ZDHHC14: variants seen among roughly 807,000 people sequenced by gnomAD.
ZDHHC14 encodes the protein palmitoyltransferase ZDHHC14.
A neutral mutation model predicts 47.7 loss-of-function variants in ZDHHC14; 16 were observed. That is an observed-to-expected ratio of 0.34 (90% confidence interval 0.23 to 0.51). The LOEUF is 0.51. ZDHHC14 is among the 20% of genes least tolerant of loss of function. The pLI is 0.97. For synonymous variants in ZDHHC14, 293 were observed against 278.9 expected, an observed-to-expected ratio of 1.05 and a Z score of -0.50; for missense variants, 515 against 662.5, an observed-to-expected ratio of 0.78 and a Z score of 2.44.
chr6:157,493,340 C>T (rs1035781086), intron 1 of ZDHHC14, among the ~76,000 whole-genome samples: 1 of 152,206 alleles, frequency 6.6e-6, no homozygotes, highest in East Asian at 1.9e-4. Flanking sequence ...GCGGGACGGT[C>T]TGAGGGCTGG....
chr6:157,451,235 A>G (rs1420445014), intron 1 of ZDHHC14, among the ~76,000 whole-genome samples: 2 of 152,238 alleles, frequency 1.3e-5, no homozygotes, highest in East Asian at 3.8e-4. Flanking sequence ...GCACAAATCA[A>G]TATCAGAAAT....
chr6:157,478,090 G>A (rs546104395), intron 1 of ZDHHC14, among the ~76,000 whole-genome samples: 39 of 152,198 alleles, frequency 2.6e-4, no homozygotes, highest in Non-Finnish European at 4.7e-4. Context: ...AGGTAATTAG[G>A]TTCAGTGCCA....
chr6:157,504,269 G>A (rs531630190), intron 1 of ZDHHC14, among the ~76,000 whole-genome samples: 15 of 151,684 alleles, frequency 9.9e-5, no homozygotes, highest in Non-Finnish European at 1.6e-4. Flanking sequence ...GTGCAGTGGC[G>A]CGATCTCAGC....
chr6:157,391,705 C>T (rs1777422348), intron 1 of ZDHHC14, among the ~76,000 whole-genome samples: 1 of 152,196 alleles, frequency 6.6e-6, no homozygotes, highest in South Asian at 2.1e-4. Context: ...CGGCTATTGG[C>T]CTTTTTTCTC....
intron 1 of ZDHHC14, among the ~76,000 whole-genome samples, chr6:157,522,052 C>T (rs1015662281): frequency 3.3e-5 from 5 of 151,812 alleles, no homozygotes. Flanking sequence ...GCTGGTTATA[C>T]AGACACCCAA....
chr6:157,652,741 G>A (rs779695585), intron 7 of ZDHHC14, among the ~76,000 whole-genome samples: 1 of 152,210 alleles, frequency 6.6e-6, no homozygotes, highest in African/African-American at 2.4e-5. Flanking sequence ...GAGACGGCCT[G>A]CCGGTCCTTG....
chr6:157,500,436 C>T (rs1780167846), intron 1 of ZDHHC14, among the ~76,000 whole-genome samples: 1 of 152,050 alleles, frequency 6.6e-6, no homozygotes, highest in Non-Finnish European at 1.5e-5. Context: ...ACTCTAGCTG[C>T]TGTGTAGAGA....
intron 2 of ZDHHC14, among the ~76,000 whole-genome samples, chr6:157,557,062 G>A (rs1308118592): frequency 2.0e-5 from 3 of 152,210 alleles, no homozygotes; most frequent in African/African-American, 4.8e-5. Context: ...ATGCCACTCC[G>A]GGCTGTGTCC....
At chr6:157,627,407 C>T (rs1785481240) in intron 3 of ZDHHC14, among the ~76,000 whole-genome samples, 1 of 152,186 alleles carries the variant, frequency 6.6e-6, no homozygotes, top group Non-Finnish European at 1.5e-5. Context: ...CACAGGCAGT[C>T]TTGTATGAGC....
At chr6:157,639,295 A>G (rs1371715762) in intron 5 of ZDHHC14, among the ~76,000 whole-genome samples, 3 of 152,082 alleles carry the variant, frequency 2.0e-5, no homozygotes, top group African/African-American at 4.8e-5. Flanking sequence ...TGTTTTAAAG[A>G]ACATTTTTTT....
chr6:157,413,647 G>A (rs916837400), intron 1 of ZDHHC14, among the ~76,000 whole-genome samples: 1 of 150,646 alleles, frequency 6.6e-6, no homozygotes, highest in East Asian at 1.9e-4. Context: ...GAGACTTAGT[G>A]GGCTGGATGT....
chr6:157,632,514 A>G (rs1418101841), intron 4 of ZDHHC14: 3 of 335,086 alleles, frequency 9.0e-6, no homozygotes, highest in Non-Finnish European at 1.7e-5. Flanking sequence ...GATAGCATAC[A>G]GTATTCTGTT....
At chr6:157,567,608 G>A (rs1035446425) in intron 2 of ZDHHC14, among the ~76,000 whole-genome samples, 1 of 152,150 alleles carries the variant, frequency 6.6e-6, no homozygotes, top group Admixed American at 6.5e-5. Flanking sequence ...CCTGAGGTCA[G>A]GAGTTTGAGA....
At chr6:157,628,723 C>G (rs1467561993) in intron 4 of ZDHHC14, 7 of 509,864 alleles carry the variant, frequency 1.4e-5, no homozygotes, top group East Asian at 3.6e-5. Context: ...TTCCAGGGGT[C>G]GCACCTAGGC....
intron 1 of ZDHHC14, among the ~76,000 whole-genome samples, chr6:157,506,166 C>T (rs1300771497): frequency 6.6e-6 from 1 of 152,228 alleles, no homozygotes; most frequent in African/African-American, 2.4e-5. Flanking sequence ...ATTTGTGTGA[C>T]TCAGCACAAT....
chr6:157,607,075 A>G (rs953066526), intron 3 of ZDHHC14, among the ~76,000 whole-genome samples: 1 of 152,174 alleles, frequency 6.6e-6, no homozygotes, highest in Admixed American at 6.5e-5. Flanking sequence ...CTATATCACG[A>G]TGTCGAAATT....
intron 4 of ZDHHC14, 155 bp downstream of exon 4, chr6:157,628,641 G>A: frequency 1.0e-6 from 1 of 980,852 alleles, no homozygotes; most frequent in Non-Finnish European, 1.5e-6. Flanking sequence ...CCTCGCTTTT[G>A]TTTCTCACCC....
At chr6:157,571,429 C>A (rs1475499028) in intron 2 of ZDHHC14, among the ~76,000 whole-genome samples, 1 of 152,166 alleles carries the variant, frequency 6.6e-6, no homozygotes, top group South Asian at 2.1e-4. Context: ...GTAAAAGTTT[C>A]TTTGAACGGA....
intron 1 of ZDHHC14, among the ~76,000 whole-genome samples, chr6:157,533,244 G>A (rs998947634): frequency 2.6e-5 from 4 of 152,098 alleles, no homozygotes; most frequent in African/African-American, 7.2e-5. Context: ...GCAGATACAC[G>A]TCCTCATTGC....
Sources: allele counts gnomAD v4.1 joint callset (sites outside exome capture counted in the v4.1 genomes callset), GRCh38; gene constraint gnomAD v4.1.1; transcripts MANE v1.5; gene names NCBI Gene and HGNC (gene_info 2026-07-23, HGNC 2026-07-21).